The following ANO3 variants were observed in gnomAD, a reference collection of about 807,000 sequenced individuals.
The protein encoded by ANO3 is anoctamin 3.
ANO3 carries 99 observed loss-of-function variants against 144.8 expected under a neutral mutation model. The observed-to-expected ratio is 0.68, with a 90% CI of 0.58 to 0.81. ANO3 has a LOEUF of 0.81. ANO3 is among the 30% of genes least tolerant of loss of function. The pLI, the probability that ANO3 is intolerant of heterozygous loss-of-function variation, is 0.00. For missense variants in ANO3, 905 were observed against 1,202.2 expected, an observed-to-expected ratio of 0.75 and a Z score of 3.66; for synonymous variants, 414 against 392.6, an observed-to-expected ratio of 1.05 and a Z score of -0.64.
At chr11:26,394,670 C>T (rs1856964337) in intron 1 of ANO3, among the ~76,000 whole-genome samples, 1 of 151,204 alleles carries the variant, frequency 6.6e-6, no homozygotes. Context: ...CTCCGCCTCC[C>T]AGGTTCAAGC....
chr11:26,457,238 TAAAA>T (rs35818230), intron 3 of ANO3, among the ~76,000 whole-genome samples: 2 of 147,832 alleles, frequency 1.4e-5, no homozygotes, highest in African/African-American at 2.5e-5. Context: ...AAAAAAGAAA[TAAAA>T]AAAAAACCTG....
chr11:26,535,408 A>G (rs1287813732), intron 9 of ANO3, among the ~76,000 whole-genome samples: 1 of 152,110 alleles, frequency 6.6e-6, no homozygotes, highest in East Asian at 1.9e-4. Flanking sequence ...TATACTTTTA[A>G]TTATAGGGGT....
intron 1 of ANO3, among the ~76,000 whole-genome samples, chr11:26,426,632 A>T (rs1401294228): frequency 6.6e-6 from 1 of 152,228 alleles, no homozygotes; most frequent in East Asian, 1.9e-4. Flanking sequence ...TGAAAAGTCT[A>T]GAATAGCTGT....
chr11:26,220,698 C>T (rs928559245), intron 1 of ANO3, among the ~76,000 whole-genome samples: 1 of 152,184 alleles, frequency 6.6e-6, no homozygotes, highest in Non-Finnish European at 1.5e-5. Context: ...ATTTATGGAT[C>T]AGACATCTCA....
chr11:26,489,739 C>T (rs2134104007), intron 4 of ANO3, among the ~76,000 whole-genome samples: 1 of 152,316 alleles, frequency 6.6e-6, no homozygotes, highest in East Asian at 1.9e-4. Context: ...TAAAATTTGA[C>T]TGCTCCACTG....
At chr11:26,360,148 G>GTTTT (rs5790574) in intron 1 of ANO3, among the ~76,000 whole-genome samples, 1 of 135,972 alleles carries the variant, frequency 7.4e-6, no homozygotes. Flanking sequence ...CTTTTTATAA[G>GTTTT]TTTTTTTTTC....
At position 26,547,498 on chromosome 11, in the gene ANO3, G is replaced by C. The variant is rs753121362; in HGVS notation, c.1237G>C (p.Gly413Arg). Reference protein sequence around the residue: ...TGMLIPAAIVGLCVFFYGLFT... With the variant: ...TGMLIPAAIVRLCVFFYGLFT... Reference sequence around the variant, plus strand: ...AATGTTGATTCCTGCAGCAATTGTTGGTTTGTGCGTTTTCTTCTATGGATT... The same window carrying C: ...AATGTTGATTCCTGCAGCAATTGTTCGTTTGTGCGTTTTCTTCTATGGATT... Residue 413 changes from glycine (G) to arginine (R), a missense_variant, in exon 12 of 27, where the codon GGT becomes CGT. Gly to Arg is a moderately radical substitution (Grantham distance 125). Transcript: ENST00000256737. 1 of 1,611,970 alleles carries C rather than the reference G, an allele frequency of 6.2e-7. No homozygotes were observed. Among genetic ancestry groups the C allele is most frequent in the South Asian group, 1.1e-5 (1 of 91,030 alleles).
chr11:26,327,251 A>C (rs1342154455), upstream of ANO3, among the ~76,000 whole-genome samples: 5 of 152,192 alleles, frequency 3.3e-5, no homozygotes, highest in Non-Finnish European at 7.4e-5. Context: ...CCTGAAGTCT[A>C]TTTTAAAGGA....
Position 26,599,531 on chromosome 11 carries a change from C to A in ANO3, c.1672-19C>A, listed in dbSNP as rs1050965207. The stretch of plus-strand genomic sequence containing the variant: ...ATGATGTAAAATATGGATGTTTTTT[C>A]TGGTGTCCAATATTGTAGATATCCT... On this transcript the variant is annotated intron_variant, in intron 16 of 26. Transcript: ENST00000256737. 3 of 1,594,012 alleles carry A rather than the reference C, an allele frequency of 1.9e-6. No individual in the cohort carries two copies. In the Admixed American group the frequency reaches 5.2e-5, roughly 28 times the overall value.
At chr11:26,292,797 G>T (rs950420943) in intron 1 of ANO3, among the ~76,000 whole-genome samples, 4 of 152,184 alleles carry the variant, frequency 2.6e-5, no homozygotes, top group Non-Finnish European at 5.9e-5. Context: ...TCCTCTGGAA[G>T]CTTCATCTCA....
intron 6 of ANO3, among the ~76,000 whole-genome samples, chr11:26,521,690 A>G (rs1862082329): frequency 6.6e-6 from 1 of 152,152 alleles, no homozygotes; most frequent in Admixed American, 6.5e-5. Context: ...AGATCATTTT[A>G]GCATTTTTCT....
intron 4 of ANO3, among the ~76,000 whole-genome samples, chr11:26,494,713 C>A (rs1860856219): frequency 6.6e-6 from 1 of 152,136 alleles, no homozygotes; most frequent in Admixed American, 6.6e-5. Flanking sequence ...TTTGCAAAAA[C>A]AGGGGCTCCT....
At chr11:26,238,836 A>G (rs1000006286) in intron 1 of ANO3, among the ~76,000 whole-genome samples, 1 of 152,078 alleles carries the variant, frequency 6.6e-6, no homozygotes, top group Non-Finnish European at 1.5e-5. Context: ...TATGGGTTTC[A>G]GAACATATTT....
chr11:26,242,204 C>T (rs937367322), intron 1 of ANO3, among the ~76,000 whole-genome samples: 4 of 152,162 alleles, frequency 2.6e-5, no homozygotes, highest in African/African-American at 9.7e-5. Context: ...ATTATCTTCC[C>T]TTCGCCTAAA....
chr11:26,439,314 A>T (rs1298114844), intron 1 of ANO3, among the ~76,000 whole-genome samples: 2 of 152,236 alleles, frequency 1.3e-5, no homozygotes, highest in African/African-American at 4.8e-5. Flanking sequence ...AAGAAAAAAA[A>T]TAGATAAATT....
chr11:26,413,151 G>A (rs1188112025), intron 1 of ANO3, among the ~76,000 whole-genome samples: 2 of 151,932 alleles, frequency 1.3e-5, no homozygotes, highest in African/African-American at 4.8e-5. Flanking sequence ...CAGTAGTACT[G>A]TGTTTTGGCT....
rs1250708357 is a variant in ANO3 at position 26,230,903 on chromosome 11, C to CT, written c.154+41581dup. ...AGTTTTTTTCTTTTTTTTTTTTTTTCTTTTTTTTAGATGGAGTCTCCCTCT... is the reference window on the plus strand; with the variant it reads ...AGTTTTTTTCTTTTTTTTTTTTTTTCTTTTTTTTTAGATGGAGTCTCCCTCT... On this transcript the variant is annotated intron_variant, in intron 1 of 27. Coordinates refer to the ANO3 transcript ENST00000672621. 2.7e-4 allele frequency among the ~76,000 whole-genome samples: 19 copies of CT among 70,300 alleles called. No homozygotes were observed. In the East Asian group the frequency reaches 3.5e-3, roughly 13 times the overall value. The allele number at this position is 70,300 out of a possible 152,430, so 46.1% of individuals were successfully genotyped here.
chr11:26,252,967 T>G (rs1486109048), intron 1 of ANO3, among the ~76,000 whole-genome samples: 1 of 152,160 alleles, frequency 6.6e-6, no homozygotes, highest in Non-Finnish European at 1.5e-5. Flanking sequence ...TTGTTAAGTT[T>G]TAGGTAATTG....
At chr11:26,255,308 G>C (rs1009324038) in intron 1 of ANO3, among the ~76,000 whole-genome samples, 6 of 152,108 alleles carry the variant, frequency 3.9e-5, no homozygotes, top group African/African-American at 1.4e-4. Flanking sequence ...TGGAAGAAAT[G>C]GGCTATGGTT....
Sources: gnomAD v4.1 joint callset for allele counts (sites outside exome capture counted in the v4.1 genomes callset) on GRCh38, gnomAD v4.1.1 for gene constraint, MANE v1.5 for transcripts, NCBI Gene and HGNC (gene_info 2026-07-23, HGNC 2026-07-21) for gene names.